The following IL1RAPL2 variants were observed in gnomAD, a reference collection of about 807,000 sequenced individuals.
IL1RAPL2 encodes the protein interleukin 1 receptor accessory protein like 2.
Under a neutral mutation model 44.1 loss-of-function variants are expected in IL1RAPL2, and 3 were observed. The ratio of observed to expected loss-of-function variants is 0.07; its 90% confidence interval spans 0.03 to 0.18. The LOEUF (loss-of-function observed/expected upper bound fraction) is 0.18, where lower values mean the gene tolerates loss of function less well. IL1RAPL2 is among the 10% of genes least tolerant of loss of function. The pLI is 1.00. For missense variants in IL1RAPL2, 391 were observed against 496.4 expected (o/e 0.79, Z 2.02); for synonymous variants, 181 against 178.8 (o/e 1.01, Z -0.10).
chrX:104,921,120 C>T (rs1220772770), intron 2 of IL1RAPL2, among the ~76,000 whole-genome samples: 1 of 111,698 alleles, frequency 9.0e-6, no homozygotes, highest in Non-Finnish European at 1.9e-5. Flanking sequence ...TCCTTCAGAC[C>T]TTTGGACTGG....
chrX:104,630,208 C>T (rs1231458753), intron 1 of IL1RAPL2, among the ~76,000 whole-genome samples: 13 of 102,176 alleles, frequency 1.3e-4, no homozygotes, highest in Non-Finnish European at 2.0e-4. Flanking sequence ...AGTACAGTGG[C>T]GCGATCTCGG....
intron 4 of IL1RAPL2, among the ~76,000 whole-genome samples, chrX:105,259,898 G>A (rs2034343578): frequency 8.9e-6 from 1 of 111,871 alleles, no homozygotes; most frequent in Non-Finnish European, 1.9e-5. Flanking sequence ...TTTTCTTAGG[G>A]CTGCTGTAGT....
chrX:105,325,744 A>T (rs1881620174), intron 5 of IL1RAPL2, among the ~76,000 whole-genome samples: 1 of 108,915 alleles, frequency 9.2e-6, no homozygotes, highest in Admixed American at 9.8e-5. Context: ...ATTTGTCATT[A>T]TGTCTTTTTA....
At chrX:105,186,202 T>C in intron 2 of IL1RAPL2, among the ~76,000 whole-genome samples, 1 of 111,125 alleles carries the variant, frequency 9.0e-6, no homozygotes, top group Non-Finnish European at 1.9e-5. Flanking sequence ...TACTGAGGGC[T>C]GACTATAAAC....
At chrX:104,573,500 T>C (rs1208435334) in intron 1 of IL1RAPL2, among the ~76,000 whole-genome samples, 3 of 112,008 alleles carry the variant, frequency 2.7e-5, no homozygotes, top group Non-Finnish European at 3.8e-5. Context: ...TTCACAAAGG[T>C]GACTGCTTTC....
chrX:105,360,801 C>T (rs189502977), intron 5 of IL1RAPL2, among the ~76,000 whole-genome samples: 22 of 110,657 alleles, frequency 2.0e-4, no homozygotes, highest in Non-Finnish European at 4.2e-4. Context: ...AATGACTCAC[C>T]AGTGATATAA....
chrX:105,316,836 T>C (rs2034845068), intron 5 of IL1RAPL2, among the ~76,000 whole-genome samples: 1 of 111,818 alleles, frequency 8.9e-6, no homozygotes, highest in Non-Finnish European at 1.9e-5. Context: ...CTTGAAATAC[T>C]GATGGGGAGC....
Position 104,996,792 on chromosome X carries a change from C to T in IL1RAPL2, c.83-198683C>T, listed in dbSNP as rs1291853110. On this transcript the variant is annotated intron_variant, in intron 2 of 10. Coordinates refer to ENST00000372582, the MANE Select transcript of IL1RAPL2 (RefSeq NM_017416.2). ...GTGAAAGACAAGAAAATATCAGGTACCAATAAATATTGAAACTGAAGTAGA... is the reference window on the plus strand; with the variant it reads ...GTGAAAGACAAGAAAATATCAGGTATCAATAAATATTGAAACTGAAGTAGA... 5.4e-5 allele frequency among the ~76,000 whole-genome samples: 6 copies of T among 111,246 alleles called. No homozygotes were observed. The East Asian group carries it at 1.4e-3, about 26-fold the overall frequency.
At chrX:104,960,384 T>C (rs1415596278) in intron 2 of IL1RAPL2, among the ~76,000 whole-genome samples, 1 of 111,742 alleles carries the variant, frequency 8.9e-6, no homozygotes, top group Non-Finnish European at 1.9e-5. Flanking sequence ...ACCTAGTAAA[T>C]AACAGAATGA....
chrX:105,082,403 T>C (rs1226577486), intron 2 of IL1RAPL2, among the ~76,000 whole-genome samples: 1 of 111,703 alleles, frequency 9.0e-6, no homozygotes, highest in African/African-American at 3.3e-5. Flanking sequence ...TCTATTTTGT[T>C]GATCTTTTCA....
intron 6 of IL1RAPL2, among the ~76,000 whole-genome samples, chrX:105,511,180 C>T (rs1437484639): frequency 8.9e-6 from 1 of 111,739 alleles, no homozygotes; most frequent in East Asian, 2.8e-4. Context: ...TCAGGATTTT[C>T]ATATTTTTTA....
chrX:104,713,761 G>T (rs1254067032), intron 2 of IL1RAPL2, among the ~76,000 whole-genome samples: 1 of 110,640 alleles, frequency 9.0e-6, no homozygotes, highest in Non-Finnish European at 1.9e-5. Context: ...CAGGGAACCC[G>T]TTTCCATATA....
intron 6 of IL1RAPL2, among the ~76,000 whole-genome samples, chrX:105,671,389 A>G (rs1171397719): frequency 3.6e-5 from 4 of 112,157 alleles, no homozygotes; most frequent in Non-Finnish European, 7.5e-5. Context: ...TTTTTTATAG[A>G]TTCCCTAGGA....
chrX:105,019,939 A>G (rs1349868929), intron 2 of IL1RAPL2, among the ~76,000 whole-genome samples: 3 of 111,118 alleles, frequency 2.7e-5, no homozygotes, highest in Non-Finnish European at 5.7e-5. Context: ...AAACCTGAGT[A>G]TTAAAGTTCT....
chrX:105,373,321 A>G (rs749139172), intron 5 of IL1RAPL2, among the ~76,000 whole-genome samples: 11 of 111,519 alleles, frequency 9.9e-5, no homozygotes, highest in Non-Finnish European at 1.7e-4. Context: ...ATGTCTTTGG[A>G]GAAGTGTCTG....
At chrX:105,246,458 A>G (rs1473035673) in intron 4 of IL1RAPL2, among the ~76,000 whole-genome samples, 1 of 111,705 alleles carries the variant, frequency 9.0e-6, no homozygotes, top group Admixed American at 9.5e-5. Context: ...AATCAATATC[A>G]AATCCATCTC....
chrX:105,409,002 T>C (rs1384583326), intron 5 of IL1RAPL2, among the ~76,000 whole-genome samples: 1 of 111,794 alleles, frequency 8.9e-6, no homozygotes, highest in Non-Finnish European at 1.9e-5. Context: ...AATGCAGTGT[T>C]ACAATAGATC....
chrX:105,687,061 C>A (rs1288205728), intron 6 of IL1RAPL2, among the ~76,000 whole-genome samples: 1 of 111,787 alleles, frequency 8.9e-6, no homozygotes, highest in Non-Finnish European at 1.9e-5. Flanking sequence ...ATCTCTGGGA[C>A]ACATTTAAAG....
At position 104,828,581 on chromosome X, in the gene IL1RAPL2, G is replaced by C. The variant is rs181001386; in HGVS notation, c.82+169586G>C. ...TGTCTGTCGACCCCTGTTGGGAAGT[G>C]TCTCACCATCTGGAGACAAGGGGTC... On this transcript the variant is annotated intron_variant, in intron 2 of 10. Transcript: ENST00000372582. Among the ~76,000 whole-genome samples the C allele has an allele frequency of 7.1e-3, 443 of 61,994 alleles. 5 individuals are homozygous for C. The highest frequency in any genetic ancestry group is 0.04 in the Middle Eastern group (5 of 125). The allele number at this position is 61,994 out of a possible 115,157, so 53.8% of individuals were successfully genotyped here.
Sources: gnomAD v4.1 joint callset for allele counts (sites outside exome capture counted in the v4.1 genomes callset) on GRCh38, gnomAD v4.1.1 for gene constraint, MANE v1.5 for transcripts, NCBI Gene and HGNC (gene_info 2026-07-23, HGNC 2026-07-21) for gene names.